RCAN3: variants seen among roughly 807,000 people sequenced by gnomAD.
RCAN3 encodes calcipressin-3.
In RCAN3, 19 loss-of-function variants were observed where a neutral mutation model predicts 21.9. The observed-to-expected ratio is 0.87, with a 90% CI of 0.61 to 1.27. RCAN3 has a LOEUF of 1.27. RCAN3 is among the 50% of genes most tolerant of loss of function. RCAN3 has a pLI of 0.00. For missense variants in RCAN3, 240 were observed against 300.1 expected, an observed-to-expected ratio of 0.80 and a Z score of 1.48; for synonymous variants, 114 against 112.3, an observed-to-expected ratio of 1.01 and a Z score of -0.09.
In RCAN3 at chr1:24,539,664, A is replaced by T. The variant is rs914258423; in HGVS notation, c.*4387A>T. On this transcript the variant is annotated 3_prime_UTR_variant, in exon 5 of 5. Coordinates refer to ENST00000374395, the MANE Select transcript of RCAN3 (RefSeq NM_013441.4). ...AAGGCTTCATATTTTTATACAGACTATTTCACAGACCATAGATTTATTTTA... is the reference window on the plus strand; with the variant it reads ...AAGGCTTCATATTTTTATACAGACTTTTTCACAGACCATAGATTTATTTTA... 10 of 152,206 alleles carry T rather than the reference A, an allele frequency of 6.6e-5. No individual in the cohort carries two copies. Among genetic ancestry groups the T allele is most frequent in the African/African-American group, 2.2e-4 (9 of 41,458 alleles). 9.4% of individuals were successfully genotyped at this position (152,206 alleles called of 1,614,324 possible). A position where few individuals can be genotyped will look rare whatever the true frequency, so the allele number is the denominator to read the frequency against.
intron 1 of RCAN3, among the ~76,000 whole-genome samples, chr1:24,504,611 T>TA (rs1268521944): frequency 6.6e-6 from 1 of 152,194 alleles, no homozygotes; most frequent in Admixed American, 6.5e-5. Context: ...TATATGGTGT[T>TA]AGAGTTGTTG....
chr1:24,505,953 G>A (rs1647403047), intron 1 of RCAN3, among the ~76,000 whole-genome samples: 1 of 152,164 alleles, frequency 6.6e-6, no homozygotes, highest in Non-Finnish European at 1.5e-5. Flanking sequence ...GATGACTTTT[G>A]TCACAGGCCT....
At chr1:24,503,213 TAAAAAAAAAAAAA>T in intron 1 of RCAN3, 63 bp downstream of exon 1, 1 of 28,266 alleles carries the variant, frequency 3.5e-5, no homozygotes, top group Non-Finnish European at 5.8e-5. Context: ...CATGAAAAGT[TAAAAAAAAAAAAA>T]AAAAAAAAAA....
chr1:24,511,606 A>G (rs1242299104), intron 1 of RCAN3, among the ~76,000 whole-genome samples: 1 of 152,218 alleles, frequency 6.6e-6, no homozygotes, highest in Non-Finnish European at 1.5e-5. Context: ...CAAAACAATT[A>G]CAATGGTAAC....
chr1:24,532,344 C>T (rs539728591), intron 3 of RCAN3, among the ~76,000 whole-genome samples: 5 of 152,092 alleles, frequency 3.3e-5, no homozygotes, highest in South Asian at 2.1e-4. Flanking sequence ...CTCCCGCCTC[C>T]GCCTCCCAAG....
intron 2 of RCAN3, among the ~76,000 whole-genome samples, chr1:24,516,276 G>T (rs1406303710): frequency 1.3e-5 from 2 of 152,122 alleles, no homozygotes; most frequent in Admixed American, 1.3e-4. Flanking sequence ...ACCAGCCTGG[G>T]CAATATAGCG....
rs146095602 is a variant in RCAN3 at position 24,525,847 on chromosome 1, G to A, written c.196-5371G>A. 3.3e-5 allele frequency among the ~76,000 whole-genome samples: 5 copies of A among 152,276 alleles called. No homozygotes were observed. Among genetic ancestry groups the A allele is most frequent in the Non-Finnish European group, 2.9e-5 (2 of 68,018 alleles). ...CTCAGGAATCTACATGGGGATGTCT[G>A]TGGACTCACAGAAGGGCAAAGCTAC... On this transcript the variant is annotated intron_variant, in intron 2 of 4. Coordinates refer to ENST00000374395, the MANE Select transcript of RCAN3 (RefSeq NM_013441.4). The surrounding 1 kb of genome is among the most constrained non-coding windows in gnomAD (Gnocchi z 4.1).
At chr1:24,530,227 T>G (rs1570480174) in intron 2 of RCAN3, among the ~76,000 whole-genome samples, 1 of 151,108 alleles carries the variant, frequency 6.6e-6, no homozygotes, top group African/African-American at 2.4e-5. Flanking sequence ...TGGTGGCAGG[T>G]GCCTATAGTC....
chr1:24,529,295 G>T, intron 2 of RCAN3, among the ~76,000 whole-genome samples: 1 of 151,612 alleles, frequency 6.6e-6, no homozygotes, highest in Non-Finnish European at 1.5e-5. Context: ...GCTCATGCCT[G>T]TAATCCCAGC....
At chr1:24,519,790 A>T (rs1323241236) in intron 2 of RCAN3, among the ~76,000 whole-genome samples, 1 of 152,250 alleles carries the variant, frequency 6.6e-6, no homozygotes, top group Non-Finnish European at 1.5e-5. Context: ...AGGCTTAGTG[A>T]TGCAATGCTA....
In RCAN3 at chr1:24,538,690, C is replaced by G. The variant is rs1159032690; in HGVS notation, c.*3413C>G. On this transcript the variant is annotated 3_prime_UTR_variant, in exon 5 of 5. Coordinates refer to ENST00000374395, the MANE Select transcript of RCAN3 (RefSeq NM_013441.4). ...GGCCTCCCAAAGTGCTGGGATTAACCAGGCGTGAGCCACTGCGCCCGGCCT... is the reference window on the plus strand; with the variant it reads ...GGCCTCCCAAAGTGCTGGGATTAACGAGGCGTGAGCCACTGCGCCCGGCCT... The G allele has an allele frequency of 6.6e-6, 1 of 151,732 alleles. No homozygotes were observed. Among genetic ancestry groups the G allele is most frequent in the Non-Finnish European group, 1.5e-5 (1 of 68,018 alleles). 9.4% of individuals were successfully genotyped at this position (151,732 alleles called of 1,614,324 possible).
At chr1:24,523,603 T>C (rs952863361) in intron 2 of RCAN3, among the ~76,000 whole-genome samples, 1 of 140,760 alleles carries the variant, frequency 7.1e-6, no homozygotes, top group African/African-American at 2.7e-5. Flanking sequence ...TTATTTCTAA[T>C]ACACACACAC....
chr1:24,519,524 A>G (rs1020769663), intron 2 of RCAN3, among the ~76,000 whole-genome samples: 4 of 152,202 alleles, frequency 2.6e-5, no homozygotes, highest in Non-Finnish European at 4.4e-5. Flanking sequence ...GACATCCTGT[A>G]CAAAGAAATG....
At position 24,538,039 on chromosome 1, in the gene RCAN3, T is replaced by C. The variant is rs1005091393; in HGVS notation, c.*2762T>C. On this transcript the variant is annotated 3_prime_UTR_variant, in exon 5 of 5. Coordinates refer to ENST00000374395, the MANE Select transcript of RCAN3 (RefSeq NM_013441.4). ...CTTTGTGTTGGGAAAAAAACATTTG[T>C]GAAGGATTAGAAAACCGTAACACTT... 2 of 152,186 alleles carry C rather than the reference T, an allele frequency of 1.3e-5. No homozygotes were observed. The highest frequency in any genetic ancestry group is 2.4e-5 in the African/African-American group (1 of 41,450). The allele number at this position is 152,186 out of a possible 1,614,324, so 9.4% of individuals were successfully genotyped here. A position where few individuals can be genotyped will look rare whatever the true frequency, so the allele number is the denominator to read the frequency against.
intron 1 of RCAN3, 112 bp from the exon 2 acceptor site, chr1:24,514,202 C>T (rs1297406839): frequency 6.2e-6 from 3 of 483,680 alleles, no homozygotes; most frequent in East Asian, 3.2e-5. Context: ...ATTGATTCAT[C>T]GTTCTAAATA....
In RCAN3 at chr1:24,536,020, G is replaced by C. The variant is rs1043434247; in HGVS notation, c.*743G>C. On this transcript the variant is annotated 3_prime_UTR_variant, in exon 5 of 5. Transcript: ENST00000374395. ...AGGACGGCCACTTTAGAAGTGGGAC[G>C]TATCACCAGTAAGCTTGAATGATTA... The C allele has an allele frequency of 1.3e-5, 2 of 152,178 alleles. No individual in the cohort carries two copies. Among genetic ancestry groups the C allele is most frequent in the Non-Finnish European group, 2.9e-5 (2 of 68,046 alleles). 9.4% of individuals were successfully genotyped at this position (152,178 alleles called of 1,614,324 possible). A position where few individuals can be genotyped will look rare whatever the true frequency, so the allele number is the denominator to read the frequency against.
chr1:24,502,968 C>G lies in RCAN3; in HGVS notation c.-242C>G, dbSNP rs1647204299. 1 of 149,706 alleles carries G rather than the reference C, an allele frequency of 6.7e-6. No individual in the cohort carries two copies. The highest frequency in any genetic ancestry group is 1.5e-5 in the Non-Finnish European group (1 of 67,084). 9.3% of individuals were successfully genotyped at this position (149,706 alleles called of 1,614,324 possible). A position where few individuals can be genotyped will look rare whatever the true frequency, so the allele number is the denominator to read the frequency against. ...GCGGCGAGGCTGCTGCTGCAGGCGG[C>G]TCCCGGCTCTGCCTTCGGCCCCGCC... is the stretch of plus-strand genomic sequence containing the variant. On this transcript the variant is annotated 5_prime_UTR_variant, in exon 1 of 5. Transcript: ENST00000374395.
chr1:24,521,905 G>C (rs561622188), intron 2 of RCAN3, among the ~76,000 whole-genome samples: 1 of 109,448 alleles, frequency 9.1e-6, no homozygotes, highest in East Asian at 2.2e-4. Context: ...TTGGTTGCTG[G>C]GGGGGGTGGG....
chr1:24,503,471 G>A (rs953661646), intron 1 of RCAN3, among the ~76,000 whole-genome samples: 1 of 152,182 alleles, frequency 6.6e-6, no homozygotes. Flanking sequence ...AAGCCGACAG[G>A]CCCAGCCTGC....
Sources: allele counts gnomAD v4.1 joint callset (sites outside exome capture counted in the v4.1 genomes callset), GRCh38; gene constraint gnomAD v4.1.1; non-coding constraint Gnocchi (gnomAD v3.1); transcripts MANE v1.5; gene names NCBI Gene and HGNC (gene_info 2026-07-23, HGNC 2026-07-21).